Variants in FOXN3 observed in about 807,000 individuals in gnomAD.
FOXN3 encodes the protein forkhead box protein N3.
A neutral mutation model predicts 38.4 loss-of-function variants in FOXN3; 7 were observed. The observed-to-expected ratio is 0.18, with a 90% CI of 0.10 to 0.34. The LOEUF is 0.34. Ranked by LOEUF, FOXN3 falls within the 10% of genes least tolerant of loss-of-function variation. The pLI is 1.00. For synonymous variants in FOXN3, 230 were observed against 242.2 expected (o/e 0.95, Z 0.47); for missense variants, 456 against 613.4 (o/e 0.74, Z 2.71).
intron 1 of FOXN3, among the ~76,000 whole-genome samples, chr14:89,437,377 G>A (rs923770940): frequency 1.3e-5 from 2 of 151,912 alleles, no homozygotes; most frequent in Non-Finnish European, 2.9e-5. Flanking sequence ...CCTGAACCTG[G>A]GCCCATTTCT....
intron 4 of FOXN3, chr14:89,190,496 G>T (rs1478745872): frequency 6.7e-7 from 1 of 1,486,734 alleles, no homozygotes; most frequent in South Asian, 1.2e-5. Context: ...CGGGGCCGGT[G>T]TGTGTGTGTG....
chr14:89,296,198 C>G (rs371553468), intron 3 of FOXN3, among the ~76,000 whole-genome samples: 2 of 152,088 alleles, frequency 1.3e-5, no homozygotes, highest in Non-Finnish European at 2.9e-5. Context: ...AAAACCACGG[C>G]TACGATTTTA....
chr14:89,358,561 C>G (rs1016138351), intron 2 of FOXN3, among the ~76,000 whole-genome samples: 1 of 152,208 alleles, frequency 6.6e-6, no homozygotes, highest in South Asian at 2.1e-4. Context: ...TCACTCCCCA[C>G]CCCGGGTCTT....
At chr14:89,176,349 C>T (rs1432762079) in intron 5 of FOXN3, among the ~76,000 whole-genome samples, 4 of 150,214 alleles carry the variant, frequency 2.7e-5, no homozygotes, top group African/African-American at 9.7e-5. Flanking sequence ...ATGGCCTTTG[C>T]CACTCTGTGG....
At chr14:89,407,145 G>A (rs960111968) in intron 2 of FOXN3, among the ~76,000 whole-genome samples, 4 of 152,178 alleles carry the variant, frequency 2.6e-5, no homozygotes, top group Admixed American at 1.3e-4. Flanking sequence ...CCAGACGTTC[G>A]TACTTCCTTC....
At chr14:89,559,286 G>C (rs889461652) in intron 1 of FOXN3, among the ~76,000 whole-genome samples, 1 of 152,042 alleles carries the variant, frequency 6.6e-6, no homozygotes, top group East Asian at 1.9e-4. Flanking sequence ...AGGCTGAACT[G>C]GGAGGATTTA....
Position 89,477,177 on chromosome 14 carries a change from C to T in FOXN3, c.-14-64687G>A, listed in dbSNP as rs75138797. On this transcript the variant is annotated intron_variant, in intron 1 of 6. Transcript: ENST00000345097. ...GCATATCTGTGTACTGTCTGTGTCC[C>T]CCACCCCCTTAGACTAAGCCCAAGC... Among the ~76,000 whole-genome samples the T allele has an allele frequency of 5.1e-3, 774 of 152,158 alleles. 4 individuals are homozygous for T. The highest frequency in any genetic ancestry group is 0.017 in the African/African-American group (726 of 41,510).
chr14:89,334,904 T>C (rs1421215446), intron 3 of FOXN3, among the ~76,000 whole-genome samples: 1 of 151,966 alleles, frequency 6.6e-6, no homozygotes, highest in Non-Finnish European at 1.5e-5. Flanking sequence ...GTAGCTGGGA[T>C]TACAGGCGTG....
chr14:89,370,911 A>G (rs1422815772), intron 2 of FOXN3, among the ~76,000 whole-genome samples: 1 of 152,182 alleles, frequency 6.6e-6, no homozygotes, highest in Non-Finnish European at 1.5e-5. Context: ...CAACCTTTTA[A>G]GGCAACAGAA....
At chr14:89,327,837 T>A (rs1284262786) in intron 3 of FOXN3, among the ~76,000 whole-genome samples, 2 of 152,136 alleles carry the variant, frequency 1.3e-5, no homozygotes, top group Non-Finnish European at 2.9e-5. Context: ...GCTACCAGAA[T>A]CAGAAGGAAC....
chr14:89,191,378 C>T (rs554875340), intron 4 of FOXN3, among the ~76,000 whole-genome samples: 5 of 152,112 alleles, frequency 3.3e-5, no homozygotes, highest in Admixed American at 6.5e-5. Context: ...GGTGATGCCG[C>T]GTGACAGAAG....
At chr14:89,295,395 G>A (rs765566415) in intron 3 of FOXN3, among the ~76,000 whole-genome samples, 2 of 152,120 alleles carry the variant, frequency 1.3e-5, no homozygotes, top group Non-Finnish European at 2.9e-5. Flanking sequence ...TAACCCACAG[G>A]TATGTGTGTC....
chr14:89,165,161 G>C (rs1368621778), intron 5 of FOXN3, among the ~76,000 whole-genome samples: 1 of 152,186 alleles, frequency 6.6e-6, no homozygotes, highest in Non-Finnish European at 1.5e-5. Flanking sequence ...TGTGCTCCGT[G>C]ATCCCAGATA....
chr14:89,352,147 A>C (rs570102590), intron 2 of FOXN3, among the ~76,000 whole-genome samples: 2 of 152,350 alleles, frequency 1.3e-5, no homozygotes, highest in South Asian at 4.1e-4. Context: ...GCCTGACCCC[A>C]GACACAGGTC....
intron 2 of FOXN3, among the ~76,000 whole-genome samples, chr14:89,383,516 A>AG (rs1413695949): frequency 6.6e-6 from 1 of 152,250 alleles, no homozygotes; most frequent in Non-Finnish European, 1.5e-5. Flanking sequence ...CTCACAGACC[A>AG]GAAGTGTGAA....
chr14:89,604,428 C>T (rs1362695660), intron 1 of FOXN3, among the ~76,000 whole-genome samples: 4 of 151,946 alleles, frequency 2.6e-5, no homozygotes, highest in Non-Finnish European at 4.4e-5. Flanking sequence ...ATATAAGAAT[C>T]GAGCTAGATC....
intron 4 of FOXN3, among the ~76,000 whole-genome samples, chr14:89,254,328 C>A (rs764914979): frequency 1.3e-5 from 2 of 152,174 alleles, no homozygotes; most frequent in Non-Finnish European, 1.5e-5. Context: ...GAGCCTGGAA[C>A]GTTTCCCCAA....
chr14:89,598,286 T>C (rs1378268564), intron 1 of FOXN3, among the ~76,000 whole-genome samples: 2 of 152,156 alleles, frequency 1.3e-5, no homozygotes, highest in Non-Finnish European at 2.9e-5. Context: ...ATAAAGTCAA[T>C]ATTTATTTAT....
At chr14:89,406,442 A>T (rs1049084613) in intron 2 of FOXN3, among the ~76,000 whole-genome samples, 16 of 152,128 alleles carry the variant, frequency 1.1e-4, no homozygotes, top group Non-Finnish European at 2.1e-4. Context: ...AATAATTTTT[A>T]AAAAGTTGGA....
Sources: gnomAD v4.1 joint callset for allele counts (sites outside exome capture counted in the v4.1 genomes callset) on GRCh38, gnomAD v4.1.1 for gene constraint, MANE v1.5 for transcripts, NCBI Gene and HGNC (gene_info 2026-07-23, HGNC 2026-07-21) for gene names.